The following RBM4 variants were observed in gnomAD, a reference collection of about 807,000 sequenced individuals.
The protein encoded by RBM4 is RNA-binding protein 4.
In RBM4, 7 loss-of-function variants were observed where a neutral mutation model predicts 29.5. That is an observed-to-expected ratio of 0.24 (90% CI 0.14 to 0.45). The LOEUF (loss-of-function observed/expected upper bound fraction) is 0.45, where lower values mean the gene tolerates loss of function less well. Among genes scored for constraint, RBM4 ranks in the 20% least tolerant of loss-of-function variants. The probability of loss-of-function intolerance (pLI) is 1.00; values close to 1 mark genes in which losing one functional copy is unlikely to be tolerated. For missense variants in RBM4, 387 were observed against 502.3 expected (o/e 0.77, Z 2.19); for synonymous variants, 220 against 205.4 (o/e 1.07, Z -0.61).
chr11:66,648,897 AACAG>A (rs1938766259), downstream of RBM4, among the ~76,000 whole-genome samples: 1 of 151,274 alleles, frequency 6.6e-6, no homozygotes, highest in Admixed American at 6.6e-5. Flanking sequence ...ATCTCCCTGT[AACAG>A]ACAATGTAAG....
chr11:66,649,605 AGTT>A (rs1938783346), downstream of RBM4: 4 of 601,114 alleles, frequency 6.7e-6, no homozygotes, highest in South Asian at 4.1e-5. Context: ...TGTATTATGA[AGTT>A]GTTTTTATGC....
chr11:66,644,262 T>C, intron 3 of RBM4, 122 bp downstream of exon 3: 4 of 1,347,970 alleles, frequency 3.0e-6, no homozygotes, highest in Non-Finnish European at 4.0e-6. Flanking sequence ...GTTACTAGGA[T>C]GGCTCACAGG....
Position 66,643,843 on chromosome 11 carries a change from T to G in RBM4, c.806T>G (p.Leu269Arg). 6.2e-7 allele frequency: 1 copy of G among 1,613,696 alleles called. No individual in the cohort carries two copies. Among genetic ancestry groups the G allele is most frequent in the Non-Finnish European group, 8.5e-7 (1 of 1,179,938 alleles). The change falls in exon 3 of 4, where the codon CTC becomes CGC. Residue 269 changes from leucine to arginine, a missense_variant. By Grantham distance (102) the Leu-to-Arg change is moderately radical. This residue lies in a region of RBM4 where 281 missense variants were observed against 288.7 expected (regional missense o/e 0.97). Transcript: ENST00000310092. The surrounding 1 kb of genome is among the most constrained non-coding windows in gnomAD (Gnocchi z 6.1). The part of the protein sequence containing the change: ...AMASHLTSTS[L>R]DPYDRHLLPT... ...GCCAGTCACCTCACCTCCACCTCTC[T>G]CGATCCCTACGATAGACACCTGTTG... is the stretch of plus-strand genomic sequence containing the variant.
chr11:66,658,231 G>T (rs1938990687), intron 2 of RBM4, among the ~76,000 whole-genome samples: 2 of 145,956 alleles, frequency 1.4e-5, no homozygotes, highest in African/African-American at 2.5e-5. Flanking sequence ...TTTCTCCGTG[G>T]TGGTCAGGTT....
rs1565083164 is a variant in RBM4, at chr11:66,646,429, CT to C, written c.*418del. On this transcript the variant is annotated 3_prime_UTR_variant, in exon 4 of 4. Coordinates refer to ENST00000310092, the MANE Select transcript of RBM4 (RefSeq NM_002896.4). ...AGGCTAGACCTATAGAGTTGGATCA[CT>C]TTTTTTCTTTCCGGTGAAATAAATG... 9.6e-7 allele frequency: 1 copy of C among 1,036,674 alleles called. No individual in the cohort carries two copies. The highest frequency in any genetic ancestry group is 1.2e-6 in the Non-Finnish European group (1 of 863,398). The allele number at this position is 1,036,674 out of a possible 1,614,324, so 64.2% of individuals were successfully genotyped here. A position where few individuals can be genotyped will look rare whatever the true frequency, so the allele number is the denominator to read the frequency against.
intron 2 of RBM4, among the ~76,000 whole-genome samples, chr11:66,660,262 T>C (rs1367086746): frequency 6.6e-6 from 1 of 151,874 alleles, no homozygotes; most frequent in South Asian, 2.1e-4. Flanking sequence ...TTAGTAGATA[T>C]GTCCTCCCAT....
downstream of RBM4, chr11:66,649,662 CTGTG>C (rs1464235395): frequency 2.9e-6 from 2 of 681,092 alleles, no homozygotes; most frequent in African/African-American, 3.5e-5. Flanking sequence ...ATAGTTGGCT[CTGTG>C]TAATTGACAA....
intron 2 of RBM4, among the ~76,000 whole-genome samples, chr11:66,663,426 G>A (rs1414599018): frequency 6.6e-6 from 1 of 152,048 alleles, no homozygotes. Flanking sequence ...GTGCAGTGGC[G>A]TGATCTCGGC....
At chr11:66,663,564 C>T (rs573133193) in intron 2 of RBM4, among the ~76,000 whole-genome samples, 13 of 152,126 alleles carry the variant, frequency 8.5e-5, no homozygotes, top group Admixed American at 5.2e-4. Context: ...CTCCTGACCT[C>T]GTGATTCGTG....
chr11:66,643,313 C>G lies in RBM4; in HGVS notation c.413-137C>G. On this transcript the variant is annotated intron_variant, in intron 2 of 3. Coordinates refer to ENST00000310092, the MANE Select transcript of RBM4 (RefSeq NM_002896.4). This position sits in a 1 kb window ranked among gnomAD's most constrained non-coding sequence, Gnocchi z 6.1. ...TATATGTTGAGTCTTTTTTTTTTTTCCTTTTTATCTTTTCCTAAAGATGAG... is the reference window on the plus strand; with the variant it reads ...TATATGTTGAGTCTTTTTTTTTTTTGCTTTTTATCTTTTCCTAAAGATGAG... 53 of 1,008,922 alleles carry G rather than the reference C, an allele frequency of 5.3e-5. No individual in the cohort carries two copies. The highest frequency in any genetic ancestry group is 3.0e-5 in the East Asian group (1 of 33,572). The allele number at this position is 1,008,922 out of a possible 1,614,324, so 62.5% of individuals were successfully genotyped here.
chr11:66,646,619 C>T (rs1029179436), downstream of RBM4: 12 of 943,996 alleles, frequency 1.3e-5, no homozygotes, highest in Admixed American at 3.1e-4. Context: ...TTGTAGGTGC[C>T]AGAGGAAGGA....
At chr11:66,639,637 T>C (rs2135052289) in intron 1 of RBM4, 63 bp from the exon 2 acceptor site, 2 of 1,553,938 alleles carry the variant, frequency 1.3e-6, no homozygotes, top group South Asian at 1.2e-5. Flanking sequence ...TGAAAGTCGT[T>C]GTCTTTTGTG....
chr11:66,654,371 C>G (rs1194847359), intron 2 of RBM4, among the ~76,000 whole-genome samples: 1 of 151,914 alleles, frequency 6.6e-6, no homozygotes, highest in African/African-American at 2.4e-5. Context: ...TGGCGGGCGC[C>G]TGTAGTCCCA....
At chr11:66,663,718 GTGTGTGTGTGTA>G (rs1325564479) in intron 2 of RBM4, among the ~76,000 whole-genome samples, 17 of 151,730 alleles carry the variant, frequency 1.1e-4, no homozygotes, top group African/African-American at 3.4e-4. Flanking sequence ...GTGTGTGTGT[GTGTGTGTGTGTA>G]TATATGTTTT....
chr11:66,645,997 G>C, intron 3 of RBM4, 30 bp from the exon 4 acceptor site: 1 of 1,536,040 alleles, frequency 6.5e-7, no homozygotes, highest in South Asian at 1.2e-5. Context: ...GAGCTTTGCT[G>C]TAAAGCCGCT....
chr11:66,656,741 A>G (rs900130167), intron 2 of RBM4, among the ~76,000 whole-genome samples: 2 of 151,864 alleles, frequency 1.3e-5, no homozygotes, highest in African/African-American at 4.8e-5. Context: ...GTTCACTGCA[A>G]TCTCCACCTC....
intron 2 of RBM4, chr11:66,641,089 C>T (rs1452776194): frequency 2.0e-5 from 3 of 152,162 alleles, no homozygotes; most frequent in Admixed American, 6.5e-5. Flanking sequence ...CTTCTTTCAC[C>T]TCCTTTGGGT....
chr11:66,646,227 C>T lies in RBM4; in HGVS notation c.*209C>T. On this transcript the variant is annotated 3_prime_UTR_variant, in exon 4 of 4. Coordinates refer to ENST00000310092, the MANE Select transcript of RBM4 (RefSeq NM_002896.4). ...CTGCCCATTTTCCTGTTCTTCTGTCCTTCAATACTTCTGTAGCTTCCCATT... is the reference window on the plus strand; with the variant it reads ...CTGCCCATTTTCCTGTTCTTCTGTCTTTCAATACTTCTGTAGCTTCCCATT... 1.4e-6 allele frequency: 2 copies of T among 1,442,200 alleles called. No homozygotes were observed. The highest frequency in any genetic ancestry group is 1.8e-6 in the Non-Finnish European group (2 of 1,099,240). The allele number at this position is 1,442,200 out of a possible 1,614,324, so 89.3% of individuals were successfully genotyped here.
chr11:66,653,362 ATTT>A (rs71045956), intron 2 of RBM4, among the ~76,000 whole-genome samples: 56 of 135,842 alleles, frequency 4.1e-4, no homozygotes, highest in African/African-American at 1.5e-3. Flanking sequence ...CTACTTAATG[ATTT>A]TTTTTTTTTT....
Sources: gnomAD v4.1 joint callset for allele counts (sites outside exome capture counted in the v4.1 genomes callset) on GRCh38, gnomAD v4.1.1 for gene constraint, gnomAD v4.1.1 regional missense constraint, Gnocchi (gnomAD v3.1) non-coding constraint, MANE v1.5 for transcripts, NCBI Gene and HGNC (gene_info 2026-07-23, HGNC 2026-07-21) for gene names.